CTNND2: variants seen among roughly 807,000 people sequenced by gnomAD.
CTNND2 encodes the protein catenin delta 2, also known as catenin delta-2.
A neutral mutation model predicts 144.4 loss-of-function variants in CTNND2; 22 were observed. The ratio of observed to expected loss-of-function variants is 0.15; its 90% CI spans 0.11 to 0.22. The LOEUF (loss-of-function observed/expected upper bound fraction) is 0.22, where lower values mean the gene tolerates loss of function less well. Among genes scored for constraint, CTNND2 ranks in the 10% least tolerant of loss-of-function variants. The probability of loss-of-function intolerance (pLI) is 1.00; values close to 1 mark genes in which losing one functional copy is unlikely to be tolerated. For missense variants in CTNND2, 1,353 were observed against 1,618.8 expected (o/e 0.84, Z 2.82); for synonymous variants, 751 against 695.6 (o/e 1.08, Z -1.25).
At chr5:11,520,873 C>A (rs1256176548) in intron 3 of CTNND2, among the ~76,000 whole-genome samples, 1 of 152,148 alleles carries the variant, frequency 6.6e-6, no homozygotes, top group African/African-American at 2.4e-5. Flanking sequence ...GTCAGGATCT[C>A]TGTTTAAGGA....
intron 1 of CTNND2, among the ~76,000 whole-genome samples, chr5:11,755,538 C>A (rs1788880462): frequency 6.6e-6 from 1 of 151,602 alleles, no homozygotes; most frequent in Admixed American, 6.6e-5. Flanking sequence ...AATATGTTTT[C>A]CAAGTTGCTT....
At chr5:11,543,708 T>C (rs930398858) in intron 3 of CTNND2, among the ~76,000 whole-genome samples, 2 of 151,898 alleles carry the variant, frequency 1.3e-5, no homozygotes, top group African/African-American at 4.8e-5. Flanking sequence ...AATTAATAGC[T>C]CAGTCTAAAC....
chr5:11,208,102 A>C (rs1288157175), intron 10 of CTNND2, among the ~76,000 whole-genome samples: 1 of 152,202 alleles, frequency 6.6e-6, no homozygotes, highest in African/African-American at 2.4e-5. Flanking sequence ...AAATTATTCC[A>C]TTCAGAAAAG....
intron 12 of CTNND2, among the ~76,000 whole-genome samples, chr5:11,122,918 A>G (rs1754290829): frequency 6.6e-6 from 1 of 151,948 alleles, no homozygotes; most frequent in Admixed American, 6.6e-5. Context: ...ACCAGACCCG[A>G]CCCTGGGGAT....
intron 15 of CTNND2, among the ~76,000 whole-genome samples, chr5:11,094,211 T>A (rs1000458576): frequency 7.2e-4 from 110 of 152,146 alleles, no homozygotes; most frequent in African/African-American, 2.6e-3. Context: ...AGAGGCAAAA[T>A]CCTACTTTAA....
intron 16 of CTNND2, among the ~76,000 whole-genome samples, chr5:11,025,241 G>A (rs867514303): frequency 6.6e-6 from 1 of 152,078 alleles, no homozygotes; most frequent in Non-Finnish European, 1.5e-5. Flanking sequence ...AGAAAACCTC[G>A]GGGCAGTTTG....
intron 3 of CTNND2, among the ~76,000 whole-genome samples, chr5:11,536,093 T>G (rs1774194528): frequency 6.6e-6 from 1 of 152,238 alleles, no homozygotes; most frequent in Non-Finnish European, 1.5e-5. Context: ...TGACAAATTC[T>G]CACTCTGTCA....
chr5:11,319,459 A>G (rs1257622439), intron 9 of CTNND2, among the ~76,000 whole-genome samples: 2 of 152,200 alleles, frequency 1.3e-5, no homozygotes, highest in African/African-American at 4.8e-5. Context: ...AGTCATTTGC[A>G]AAGTTTTTGT....
At chr5:11,040,576 T>C (rs1243217365) in intron 16 of CTNND2, among the ~76,000 whole-genome samples, 1 of 152,178 alleles carries the variant, frequency 6.6e-6, no homozygotes, top group Non-Finnish European at 1.5e-5. Flanking sequence ...TGTGAAGAAC[T>C]AAGAAAATGA....
chr5:11,257,343 C>T (rs879263682), intron 9 of CTNND2, among the ~76,000 whole-genome samples: 5 of 152,184 alleles, frequency 3.3e-5, no homozygotes, highest in African/African-American at 4.8e-5. Context: ...TCTCAGAGTT[C>T]ATCACCATGC....
At chr5:11,648,069 G>A (rs974646767) in intron 2 of CTNND2, among the ~76,000 whole-genome samples, 14 of 151,556 alleles carry the variant, frequency 9.2e-5, no homozygotes, top group Non-Finnish European at 1.0e-4. Flanking sequence ...ATTGCATCCT[G>A]AACTTTTATC....
intron 1 of CTNND2, among the ~76,000 whole-genome samples, chr5:11,883,866 C>T (rs1210876693): frequency 6.6e-6 from 1 of 152,120 alleles, no homozygotes; most frequent in Non-Finnish European, 1.5e-5. Flanking sequence ...TTTTAATGAT[C>T]GCCATGCTAA....
rs11133650 is a variant in CTNND2, at chr5:11,346,909, T to C, written c.1373-282A>G. Among the ~76,000 whole-genome samples, 8,180 of 152,156 alleles carry C rather than the reference T, an allele frequency of 0.054. 498 individuals carry two copies. The highest frequency in any genetic ancestry group is 0.15 in the African/African-American group (6,033 of 41,480). On this transcript the variant is annotated intron_variant, in intron 8 of 21. Coordinates refer to ENST00000304623, the MANE Select transcript of CTNND2 (RefSeq NM_001332.4). ...CAACAGAAGGTGTGTTCAGCTGCAA[T>C]ATAAACTTTGTGCATAAGAAGAAAT...
intron 12 of CTNND2, among the ~76,000 whole-genome samples, chr5:11,147,457 C>T (rs549661175): frequency 3.9e-5 from 6 of 152,156 alleles, no homozygotes; most frequent in Admixed American, 3.3e-4. Context: ...GCTAGTATTG[C>T]AAACATGGTG....
chr5:11,033,066 A>AC (rs1384088557), intron 16 of CTNND2, among the ~76,000 whole-genome samples: 1 of 152,120 alleles, frequency 6.6e-6, no homozygotes, highest in Non-Finnish European at 1.5e-5. Context: ...GATGCATAGG[A>AC]CCCCTCCTTA....
chr5:11,584,408 T>C (rs1305180963), intron 2 of CTNND2, among the ~76,000 whole-genome samples: 1 of 105,690 alleles, frequency 9.5e-6, no homozygotes, highest in Non-Finnish European at 2.0e-5. Context: ...TATATATACA[T>C]ATATATATAT....
chr5:11,138,309 T>C (rs748121947), intron 12 of CTNND2, among the ~76,000 whole-genome samples: 1 of 152,330 alleles, frequency 6.6e-6, no homozygotes, highest in South Asian at 2.1e-4. Context: ...CCCCTTCTCA[T>C]GGTTCTTAAC....
intron 1 of CTNND2, among the ~76,000 whole-genome samples, chr5:11,823,785 A>T (rs1447843648): frequency 6.6e-6 from 1 of 152,152 alleles, no homozygotes; most frequent in Non-Finnish European, 1.5e-5. Flanking sequence ...TTATCCAGGG[A>T]AATGCTTATA....
intron 9 of CTNND2, among the ~76,000 whole-genome samples, chr5:11,238,910 T>A (rs1227031483): frequency 6.6e-6 from 1 of 152,204 alleles, no homozygotes; most frequent in Non-Finnish European, 1.5e-5. Flanking sequence ...TAAAGCCTGT[T>A]TTTCTCTCAA....
Sources: gnomAD v4.1 joint callset for allele counts (sites outside exome capture counted in the v4.1 genomes callset) on GRCh38, gnomAD v4.1.1 for gene constraint, MANE v1.5 for transcripts, NCBI Gene and HGNC (gene_info 2026-07-23, HGNC 2026-07-21) for gene names.